The following LEPR variants were observed in gnomAD, a reference collection of about 807,000 sequenced individuals.
LEPR encodes OB receptor.
A neutral mutation model predicts 114.7 loss-of-function variants in LEPR; 56 were observed. That is an observed-to-expected ratio of 0.49 (90% confidence interval 0.39 to 0.61). LEPR has a LOEUF of 0.61. Among genes scored for constraint, LEPR ranks in the 20% least tolerant of loss-of-function variants. The probability of loss-of-function intolerance (pLI) is 0.00; values close to 1 mark genes in which losing one functional copy is unlikely to be tolerated. For missense variants in LEPR, 1,202 were observed against 1,352.9 expected, an observed-to-expected ratio of 0.89 and a Z score of 1.75; for synonymous variants, 443 against 461.4, an observed-to-expected ratio of 0.96 and a Z score of 0.51.
At chr1:65,634,987 A>C in intron 19 of LEPR, 1 of 814,818 alleles carries the variant, frequency 1.2e-6, no homozygotes, top group Non-Finnish European at 1.5e-6. Context: ...TTTAATACCT[A>C]CATAAGTCTA....
At chr1:65,432,367 A>G (rs1646498020) in intron 2 of LEPR, 1 of 966,516 alleles carries the variant, frequency 1.0e-6, no homozygotes, top group South Asian at 4.8e-5. Flanking sequence ...GAGCCTCAAC[A>G]TTTCCTAGAG....
At chr1:65,589,888 G>A (rs1055483815) in intron 5 of LEPR, among the ~76,000 whole-genome samples, 1 of 151,954 alleles carries the variant, frequency 6.6e-6, no homozygotes, top group Non-Finnish European at 1.5e-5. Flanking sequence ...TTTCAAAGTT[G>A]TTTTGGCTAT....
rs748453504 is a variant in LEPR at position 65,636,976 on chromosome 1, T to C, written c.3459T>C (p.His1153=). 6.2e-7 allele frequency: 1 copy of C among 1,613,534 alleles called. No individual in the cohort carries two copies. Among genetic ancestry groups the C allele is most frequent in the South Asian group, 1.1e-5 (1 of 91,018 alleles). The part of the protein sequence containing the change: ...PQFQTCSTQT[H]KIMENKMCDL... ...TCCAAACTTGTTCTACTCAGACTCA[T>C]AAGATCATGGAAAACAAGATGTGTG... The change falls in exon 20 of 20, where the codon CAT becomes CAC. Residue 1153 remains histidine, a synonymous_variant. Coordinates refer to ENST00000349533, the MANE Select transcript of LEPR (RefSeq NM_002303.6).
intron 2 of LEPR, among the ~76,000 whole-genome samples, chr1:65,538,941 TA>T (rs1206343836): frequency 6.6e-6 from 1 of 152,044 alleles, no homozygotes; most frequent in Admixed American, 6.6e-5. Flanking sequence ...AATTTTCTTG[TA>T]TTTTTTTTGT....
intron 2 of LEPR, among the ~76,000 whole-genome samples, chr1:65,488,271 C>T (rs569232616): frequency 2.5e-5 from 3 of 117,962 alleles, no homozygotes; most frequent in Admixed American, 9.1e-5. Context: ...CTTTCTCTTT[C>T]CTCTTTCTTT....
intron 2 of LEPR, among the ~76,000 whole-genome samples, chr1:65,519,029 C>G (rs1649484865): frequency 7.2e-6 from 1 of 139,780 alleles, no homozygotes. Context: ...CTTTCTCTTT[C>G]TTCTTTTCTT....
chr1:65,585,378 A>C (rs1457151909), intron 5 of LEPR, among the ~76,000 whole-genome samples: 1 of 152,064 alleles, frequency 6.6e-6, no homozygotes, highest in Non-Finnish European at 1.5e-5. Context: ...TGCTTGGAGA[A>C]GCTTTAATAT....
chr1:65,556,651 T>C (rs1652834165), intron 2 of LEPR, among the ~76,000 whole-genome samples: 1 of 152,148 alleles, frequency 6.6e-6, no homozygotes, highest in South Asian at 2.1e-4. Context: ...CAAACAGCTG[T>C]ATCTGGATGA....
chr1:65,571,725 G>T lies in LEPR; in HGVS notation c.371-601G>T, dbSNP rs569329862. Among the ~76,000 whole-genome samples, 3 of 148,012 alleles carry T rather than the reference G, an allele frequency of 2.0e-5. No individual in the cohort carries two copies. The East Asian group carries it at 6.0e-4, about 30-fold the overall frequency. On this transcript the variant is annotated intron_variant, in intron 4 of 19. Coordinates refer to ENST00000349533, the MANE Select transcript of LEPR (RefSeq NM_002303.6). ...ATCCTAGCATTTAGGAGGCCTAGGCGGGCGGATCACTTGAGCTCAGGAGTT... is the reference window on the plus strand; with the variant it reads ...ATCCTAGCATTTAGGAGGCCTAGGCTGGCGGATCACTTGAGCTCAGGAGTT...
intron 19 of LEPR, among the ~76,000 whole-genome samples, chr1:65,632,796 A>AT (rs1407963631): frequency 1.3e-5 from 2 of 149,810 alleles, no homozygotes; most frequent in Non-Finnish European, 3.0e-5. Flanking sequence ...CTCCTCTTTT[A>AT]TTTTTTCTTG....
At chr1:65,588,265 TA>T (rs1655452155) in intron 5 of LEPR, among the ~76,000 whole-genome samples, 1 of 152,050 alleles carries the variant, frequency 6.6e-6, no homozygotes. Context: ...TATTATTTTT[TA>T]TGCCCTGTAT....
intron 2 of LEPR, among the ~76,000 whole-genome samples, chr1:65,495,566 G>T (rs550788237): frequency 5.3e-5 from 8 of 152,244 alleles, no homozygotes; most frequent in Non-Finnish European, 1.2e-4. Flanking sequence ...CCAAAGGAAA[G>T]GAAATTAGTA....
In LEPR at chr1:65,570,512, C is replaced by T; in HGVS notation, c.80C>T (p.Pro27Leu). Residue 27 changes from proline to leucine, a missense_variant, in exon 4 of 20, where the codon CCA becomes CTA. By Grantham distance (98) the Pro-to-Leu change is moderately conservative. Transcript: ENST00000349533. ...ATAACTGCGTTTAACTTGTCATATC[C>T]AATTACTCCTTGGAGATTTAAGTTG... Reference protein sequence around the residue: ...YVITAFNLSYPITPWRFKLSC... With the variant: ...YVITAFNLSYLITPWRFKLSC... 3 of 1,613,816 alleles carry T rather than the reference C, an allele frequency of 1.9e-6. No individual in the cohort carries two copies. The highest frequency in any genetic ancestry group is 2.5e-6 in the Non-Finnish European group (3 of 1,179,910).
At chr1:65,438,548 CAAAAAAAAAAAA>C (rs1159617552) in intron 2 of LEPR, among the ~76,000 whole-genome samples, 1 of 67,794 alleles carries the variant, frequency 1.5e-5, no homozygotes, top group East Asian at 6.4e-4. Flanking sequence ...GACTCTGTCT[CAAAAAAAAAAAA>C]AAAAAAAAAA....
chr1:65,536,430 C>T (rs1267311776), intron 2 of LEPR, among the ~76,000 whole-genome samples: 1 of 152,098 alleles, frequency 6.6e-6, no homozygotes, highest in Non-Finnish European at 1.5e-5. Context: ...CTTTTTTCTT[C>T]ATAAATTACC....
chr1:65,581,684 G>C (rs747350731), intron 5 of LEPR, among the ~76,000 whole-genome samples: 7 of 152,138 alleles, frequency 4.6e-5, no homozygotes, highest in Non-Finnish European at 1.0e-4. Context: ...GCTATCTGGA[G>C]AGGCTAGACA....
In LEPR at chr1:65,637,208, T is replaced by C; in HGVS notation, c.*193T>C. ...GAGAAAGCCTTCATAAGCCTACCAA[T>C]GTAGACACGCTCTTCTATTTTATTC... is the stretch of plus-strand genomic sequence containing the variant. On this transcript the variant is annotated 3_prime_UTR_variant, in exon 20 of 20. Transcript: ENST00000349533. 1.8e-6 allele frequency: 1 copy of C among 542,456 alleles called. No individual in the cohort carries two copies. Among genetic ancestry groups the C allele is most frequent in the South Asian group, 2.8e-5 (1 of 35,358 alleles). 33.6% of individuals were successfully genotyped at this position (542,456 alleles called of 1,614,324 possible). A position where few individuals can be genotyped will look rare whatever the true frequency, so the allele number is the denominator to read the frequency against.
chr1:65,555,123 C>G (rs934529125), intron 2 of LEPR, among the ~76,000 whole-genome samples: 1 of 152,150 alleles, frequency 6.6e-6, no homozygotes, highest in African/African-American at 2.4e-5. Flanking sequence ...GCGTTGATCT[C>G]CCTGGGAGCT....
intron 2 of LEPR, among the ~76,000 whole-genome samples, chr1:65,491,270 T>C (rs1289451111): frequency 6.6e-6 from 1 of 152,128 alleles, no homozygotes; most frequent in East Asian, 1.9e-4. Flanking sequence ...AAATCCTTTA[T>C]GATAAATGGC....
Sources: gnomAD v4.1 joint callset for allele counts (sites outside exome capture counted in the v4.1 genomes callset) on GRCh38, gnomAD v4.1.1 for gene constraint, MANE v1.5 for transcripts, NCBI Gene and HGNC (gene_info 2026-07-23, HGNC 2026-07-21) for gene names.